Variants in RPA3 observed in about 807,000 individuals in gnomAD.
The protein encoded by RPA3 is replication protein A3.
RPA3 carries 24 observed loss-of-function variants against 13.7 expected under a neutral mutation model. That is an observed-to-expected ratio of 1.75 (90% CI 1.27 to 2.46). The LOEUF (loss-of-function observed/expected upper bound fraction) is 2.46, where lower values mean the gene tolerates loss of function less well. RPA3 is among the 30% of genes most tolerant of loss of function. The pLI, the probability that RPA3 is intolerant of heterozygous loss-of-function variation, is 0.00. For synonymous variants in RPA3, 59 were observed against 51.2 expected (o/e 1.15, Z -0.65); for missense variants, 183 against 151.0 (o/e 1.21, Z -1.11).
intron 4 of RPA3, among the ~76,000 whole-genome samples, chr7:7,682,430 A>G (rs1361715147): frequency 6.6e-6 from 1 of 152,146 alleles, no homozygotes; most frequent in African/African-American, 2.4e-5. Context: ...CATTTAAACT[A>G]TCATATTTTT....
chr7:7,663,820 A>C (rs1188330025), intron 4 of RPA3, among the ~76,000 whole-genome samples: 3 of 152,198 alleles, frequency 2.0e-5, no homozygotes, highest in African/African-American at 7.2e-5. Flanking sequence ...AATTACATGC[A>C]TGACTATCAG....
At chr7:7,715,416 C>G (rs1263761185) in intron 1 of RPA3, among the ~76,000 whole-genome samples, 190 bp from the exon 2 acceptor site, 2 of 152,068 alleles carry the variant, frequency 1.3e-5, no homozygotes, top group African/African-American at 2.4e-5. Context: ...TACTGATAAC[C>G]AAAGCTAGTT....
chr7:7,682,721 G>A lies in RPA3; in HGVS notation c.-758+3109C>T, dbSNP rs187631903. ...GGATTAAAAAGTAACTTACCCTATCGCTGTCTCCTTACCCACGTATCGGGA... is the reference window on the plus strand; with the variant it reads ...GGATTAAAAAGTAACTTACCCTATCACTGTCTCCTTACCCACGTATCGGGA... On this transcript the variant is annotated intron_variant, in intron 4 of 7. Coordinates refer to ENST00000223129, the MANE Select transcript of RPA3 (RefSeq NM_002947.5). Among the ~76,000 whole-genome samples, 3 of 152,238 alleles carry A rather than the reference G, an allele frequency of 2.0e-5. No individual in the cohort carries two copies. In the East Asian group the frequency reaches 5.8e-4, roughly 29 times the overall value.
intron 4 of RPA3, among the ~76,000 whole-genome samples, chr7:7,643,823 T>G (rs970612157): frequency 6.6e-6 from 1 of 152,196 alleles, no homozygotes; most frequent in Non-Finnish European, 1.5e-5. Context: ...CAAGCACACC[T>G]TCCTTTCTTC....
In RPA3 at chr7:7,685,333, C is replaced by T. The variant is rs533968979; in HGVS notation, c.-758+497G>A. On this transcript the variant is annotated intron_variant, in intron 4 of 7. Transcript: ENST00000223129. ...ATTGATCTTTTTTTTTTTTTTGAGA[C>T]GGAGTCTTGCTCTGTCTCCAGGCTG... is the stretch of plus-strand genomic sequence containing the variant. 3.6e-5 allele frequency among the ~76,000 whole-genome samples: 5 copies of T among 139,732 alleles called. No homozygotes were observed. The South Asian group carries it at 8.9e-4, about 25-fold the overall frequency. 91.7% of individuals were successfully genotyped at this position (139,732 alleles called of 152,430 possible). A position where few individuals can be genotyped will look rare whatever the true frequency, so the allele number is the denominator to read the frequency against.
At chr7:7,710,739 G>T (rs1388738759) in intron 2 of RPA3, among the ~76,000 whole-genome samples, 1 of 152,156 alleles carries the variant, frequency 6.6e-6, no homozygotes, top group East Asian at 1.9e-4. Context: ...GCATAAAACT[G>T]AGTATTTATA....
intron 4 of RPA3, among the ~76,000 whole-genome samples, chr7:7,659,010 G>A (rs1468985700): frequency 2.6e-5 from 4 of 152,042 alleles, no homozygotes; most frequent in Admixed American, 6.5e-5. Flanking sequence ...TCAGGGATTC[G>A]ACTTCTTCCT....
intron 4 of RPA3, among the ~76,000 whole-genome samples, chr7:7,641,861 A>T (rs563706233): frequency 6.6e-6 from 1 of 152,318 alleles, no homozygotes; most frequent in Non-Finnish European, 1.5e-5. Context: ...TTAAGATTGG[A>T]ATCTCATGTA....
chr7:7,654,534 A>G (rs1470948642), intron 4 of RPA3, among the ~76,000 whole-genome samples: 1 of 152,214 alleles, frequency 6.6e-6, no homozygotes, highest in East Asian at 1.9e-4. Context: ...GTATTTGTAT[A>G]TAGCCTTTGT....
At position 7,712,285 on chromosome 7, in the gene RPA3, C is replaced by T. The variant is rs374685947; in HGVS notation, c.-1028+2890G>A. On this transcript the variant is annotated intron_variant, in intron 2 of 7. Coordinates refer to ENST00000223129, the MANE Select transcript of RPA3 (RefSeq NM_002947.5). ...TGATTTTTGTTGAAATTTTATTGAA[C>T]ATATAGATTAATTTAGGGGAGAATT... is the stretch of plus-strand genomic sequence containing the variant. Among the ~76,000 whole-genome samples, 4 of 152,174 alleles carry T rather than the reference C, an allele frequency of 2.6e-5. No individual in the cohort carries two copies. In the East Asian group the frequency reaches 5.8e-4, roughly 22 times the overall value.
intron 4 of RPA3, among the ~76,000 whole-genome samples, chr7:7,681,871 G>T (rs746888058): frequency 2.6e-5 from 4 of 152,072 alleles, no homozygotes; most frequent in African/African-American, 9.7e-5. Context: ...GGGATATTGC[G>T]TAAATGTTAG....
intron 2 of RPA3, among the ~76,000 whole-genome samples, chr7:7,702,536 A>G (rs998338488): frequency 2.0e-5 from 3 of 152,160 alleles, no homozygotes; most frequent in South Asian, 2.1e-4. Flanking sequence ...TGAAATAGCT[A>G]TTTTCATTTT....
intron 4 of RPA3, among the ~76,000 whole-genome samples, chr7:7,646,993 T>C (rs1785111654): frequency 6.6e-6 from 1 of 152,198 alleles, no homozygotes; most frequent in Non-Finnish European, 1.5e-5. Context: ...ACCCCACCCT[T>C]CTGCCGCTTG....
intron 2 of RPA3, among the ~76,000 whole-genome samples, chr7:7,710,688 A>G (rs1382904528): frequency 6.6e-6 from 1 of 152,220 alleles, no homozygotes; most frequent in Non-Finnish European, 1.5e-5. Flanking sequence ...CAGCAATTAC[A>G]CTTTGGGCAT....
At chr7:7,680,762 T>C (rs1450715697) in intron 4 of RPA3, among the ~76,000 whole-genome samples, 3 of 152,116 alleles carry the variant, frequency 2.0e-5, no homozygotes, top group Non-Finnish European at 4.4e-5. Flanking sequence ...ATCTTTCACT[T>C]TGGTTATATT....
chr7:7,638,080 T>G (rs1052691853), intron 6 of RPA3, 108 bp from the exon 7 acceptor site: 2 of 678,798 alleles, frequency 2.9e-6, no homozygotes, highest in African/African-American at 3.6e-5. Context: ...AGTAACAAAG[T>G]AATTTTAAGA....
chr7:7,637,191 A>C, intron 7 of RPA3, 109 bp from the exon 8 acceptor site: 1 of 812,092 alleles, frequency 1.2e-6, no homozygotes, highest in Non-Finnish European at 2.0e-6. Flanking sequence ...TTTGGAAGTG[A>C]GTTTCTAAAA....
At chr7:7,677,774 C>T (rs376763499) in intron 4 of RPA3, among the ~76,000 whole-genome samples, 4,025 of 147,832 alleles carry the variant, frequency 0.027, 109 homozygotes, top group South Asian at 0.095. Flanking sequence ...CCCAGGTTCA[C>T]GCCATTCTCC....
chr7:7,714,792 T>C (rs924682284), intron 2 of RPA3, among the ~76,000 whole-genome samples: 6 of 152,012 alleles, frequency 3.9e-5, no homozygotes, highest in African/African-American at 1.4e-4. Flanking sequence ...ATTTAGGGTG[T>C]TGGGCACTTG....
Sources: allele counts gnomAD v4.1 joint callset (sites outside exome capture counted in the v4.1 genomes callset), GRCh38; gene constraint gnomAD v4.1.1; transcripts MANE v1.5; gene names NCBI Gene and HGNC (gene_info 2026-07-23, HGNC 2026-07-21).